Variants in ESRRB observed in about 807,000 individuals in gnomAD.
ESRRB encodes the protein estrogen related receptor beta, also known as steroid hormone receptor ERR2.
ESRRB carries 16 observed loss-of-function variants against 46.0 expected under a neutral mutation model. That is an observed-to-expected ratio of 0.35 (90% CI 0.24 to 0.53). The LOEUF is 0.53. Ranked by LOEUF, ESRRB falls within the 20% of genes least tolerant of loss-of-function variation. The pLI is 0.93. For missense variants in ESRRB, 488 were observed against 607.4 expected (o/e 0.80, Z 2.07); for synonymous variants, 246 against 259.6 (o/e 0.95, Z 0.50).
At chr14:76,377,105 C>T (rs1035215408) in intron 1 of ESRRB, among the ~76,000 whole-genome samples, 1 of 152,156 alleles carries the variant, frequency 6.6e-6, no homozygotes, top group Non-Finnish European at 1.5e-5. Context: ...CTGTGACCAG[C>T]GGAACAGAAG....
At chr14:76,421,541 C>T (rs1886954428) in intron 1 of ESRRB, among the ~76,000 whole-genome samples, 1 of 152,230 alleles carries the variant, frequency 6.6e-6, no homozygotes, top group African/African-American at 2.4e-5. Flanking sequence ...GCTTGCACAT[C>T]TGTTTACTCC....
chr14:76,463,515 C>A (rs555827651), intron 3 of ESRRB: 1 of 140,680 alleles, frequency 7.1e-6, no homozygotes, highest in Non-Finnish European at 1.5e-5. Flanking sequence ...GGCGCAATCT[C>A]GGCTCACTGC....
At chr14:76,473,870 C>T (rs939497549) in intron 3 of ESRRB, among the ~76,000 whole-genome samples, 1 of 152,222 alleles carries the variant, frequency 6.6e-6, no homozygotes, top group South Asian at 2.1e-4. Context: ...GCCCCGCTCC[C>T]CTCCTCTCAA....
At chr14:76,451,345 G>A (rs927758122) in intron 2 of ESRRB, among the ~76,000 whole-genome samples, 5 of 152,314 alleles carry the variant, frequency 3.3e-5, no homozygotes, top group Non-Finnish European at 4.4e-5. Context: ...CTTAATGTCC[G>A]TATCAGTAAA....
rs181536707 is a variant in ESRRB, at chr14:76,499,468, G to T, written c.*1010G>T. 3 of 355,266 alleles carry T rather than the reference G, an allele frequency of 8.4e-6. No individual in the cohort carries two copies. The Admixed American group carries it at 1.1e-4, about 13-fold the overall frequency. 22.0% of individuals were successfully genotyped at this position (355,266 alleles called of 1,614,324 possible). Reference sequence around the variant, plus strand: ...CCAAGCACAGAAAGGCCGAGCAGCTGAGATAAGTAGGCAGGGGAGCCCCAA... The same window carrying T: ...CCAAGCACAGAAAGGCCGAGCAGCTTAGATAAGTAGGCAGGGGAGCCCCAA... On this transcript the variant is annotated 3_prime_UTR_variant, in exon 7 of 7. Transcript: ENST00000644823.
chr14:76,426,814 T>C (rs1887221410), intron 1 of ESRRB, among the ~76,000 whole-genome samples: 1 of 152,144 alleles, frequency 6.6e-6, no homozygotes, highest in Admixed American at 6.6e-5. Flanking sequence ...GAGGATTTTC[T>C]AAGCCCAGGA....
chr14:76,358,397 A>AAGAG (rs1429412640), intron 1 of ESRRB, among the ~76,000 whole-genome samples: 4 of 127,046 alleles, frequency 3.1e-5, no homozygotes, highest in African/African-American at 1.2e-4. Flanking sequence ...GAAAGAAAGA[A>AAGAG]AGAAAGAAAG....
chr14:76,451,930 C>T (rs555361267), intron 2 of ESRRB, among the ~76,000 whole-genome samples: 4 of 148,680 alleles, frequency 2.7e-5, no homozygotes, highest in East Asian at 2.0e-4. Flanking sequence ...TCTGCCACTG[C>T]GCCCAGCAGG....
intron 1 of ESRRB, among the ~76,000 whole-genome samples, chr14:76,334,052 G>C (rs913705281): frequency 6.6e-6 from 1 of 152,150 alleles, no homozygotes; most frequent in Non-Finnish European, 1.5e-5. Flanking sequence ...GCTCCTAAAC[G>C]TACAGGGCTG....
At chr14:76,494,709 A>C (rs539591651) in intron 6 of ESRRB, among the ~76,000 whole-genome samples, 2 of 152,124 alleles carry the variant, frequency 1.3e-5, no homozygotes, top group Admixed American at 1.3e-4. Context: ...CTTCACCTAC[A>C]CAGAGGGGAG....
chr14:76,399,126 G>A (rs991967219), intron 1 of ESRRB, among the ~76,000 whole-genome samples: 1 of 152,158 alleles, frequency 6.6e-6, no homozygotes. Context: ...GATGTGGATG[G>A]TCTGGGAGGG....
chr14:76,409,635 C>T (rs934107985), intron 1 of ESRRB, among the ~76,000 whole-genome samples: 1 of 151,810 alleles, frequency 6.6e-6, no homozygotes, highest in African/African-American at 2.4e-5. Flanking sequence ...GGGACCTAAT[C>T]GGATTTGAGC....
chr14:76,493,635 A>G (rs550309550), intron 6 of ESRRB, among the ~76,000 whole-genome samples: 105 of 152,264 alleles, frequency 6.9e-4, no homozygotes, highest in Non-Finnish European at 1.3e-3. Context: ...CAGTACACAC[A>G]GGGTAACCAA....
chr14:76,417,944 C>CTTTTTTTTTT (rs869242837), intron 1 of ESRRB, among the ~76,000 whole-genome samples: 1 of 91,366 alleles, frequency 1.1e-5, no homozygotes, highest in African/African-American at 4.6e-5. Flanking sequence ...CTTTTACATA[C>CTTTTTTTTTT]TTTTTTTTTT....
intron 5 of ESRRB, among the ~76,000 whole-genome samples, chr14:76,487,786 T>A (rs1407233771): frequency 6.6e-6 from 1 of 152,032 alleles, no homozygotes; most frequent in Non-Finnish European, 1.5e-5. Flanking sequence ...AAATTATTTG[T>A]AGAGATGGTG....
At chr14:76,431,077 C>T (rs1395328778) in intron 1 of ESRRB, among the ~76,000 whole-genome samples, 1 of 152,172 alleles carries the variant, frequency 6.6e-6, no homozygotes, top group Non-Finnish European at 1.5e-5. Flanking sequence ...GGGCAAATTA[C>T]CCAAGGTCAG....
intron 1 of ESRRB, among the ~76,000 whole-genome samples, chr14:76,335,192 A>G (rs1290014225): frequency 3.9e-5 from 6 of 152,052 alleles, no homozygotes; most frequent in Admixed American, 3.9e-4. Context: ...ATATCCTTGA[A>G]TCTCCATTAG....
intron 1 of ESRRB, among the ~76,000 whole-genome samples, chr14:76,349,417 T>A (rs79025628): frequency 0.12 from 17,727 of 152,256 alleles, 1,262 homozygotes; most frequent in East Asian, 0.26. Flanking sequence ...GCAACATCTC[T>A]GTGTCCAGAG....
At chr14:76,382,598 A>G (rs1885060040) in intron 1 of ESRRB, among the ~76,000 whole-genome samples, 1 of 152,212 alleles carries the variant, frequency 6.6e-6, no homozygotes. Context: ...TTAAAGAGTC[A>G]ACTCTTTTCT....
Sources: allele counts gnomAD v4.1 joint callset (sites outside exome capture counted in the v4.1 genomes callset), GRCh38; gene constraint gnomAD v4.1.1; transcripts MANE v1.5; gene names NCBI Gene and HGNC (gene_info 2026-07-23, HGNC 2026-07-21).